The following KANSL3 variants were observed in gnomAD, a reference collection of about 807,000 sequenced individuals.
KANSL3 encodes the protein NSL complex protein NSL3.
KANSL3 carries 16 observed loss-of-function variants against 89.2 expected under a neutral mutation model. The observed-to-expected ratio is 0.18, with a 90% CI of 0.12 to 0.27. The LOEUF (loss-of-function observed/expected upper bound fraction) is 0.27, where lower values mean the gene tolerates loss of function less well. Ranked by LOEUF, KANSL3 falls within the 10% of genes least tolerant of loss-of-function variation. KANSL3 has a pLI of 1.00. For missense variants in KANSL3, 879 were observed against 1,110.6 expected (o/e 0.79, Z 2.96); for synonymous variants, 385 against 419.7 (o/e 0.92, Z 1.01).
chr2:96,611,883 T>C (rs1022847892), intron 9 of KANSL3, among the ~76,000 whole-genome samples: 39 of 109,442 alleles, frequency 3.6e-4, no homozygotes, highest in African/African-American at 1.3e-3. Flanking sequence ...TTTTTTTTTT[T>C]TCCACAGATA....
At chr2:96,585,382 C>T in the KANSL3 span, among the ~76,000 whole-genome samples, 1 of 152,280 alleles carries the variant, frequency 6.6e-6, no homozygotes, top group South Asian at 2.1e-4. Flanking sequence ...AAATGCTCAA[C>T]ACCACTAATT....
At chr2:96,614,145 G>A (rs1267334799) in intron 5 of KANSL3, among the ~76,000 whole-genome samples, 3 of 152,204 alleles carry the variant, frequency 2.0e-5, no homozygotes, top group Non-Finnish European at 4.4e-5. Context: ...AGGCTAGAGT[G>A]CAGTGGCCTG....
chr2:96,637,784 G>GC (rs1037940900), intron 1 of KANSL3, among the ~76,000 whole-genome samples: 17 of 151,992 alleles, frequency 1.1e-4, no homozygotes, highest in East Asian at 3.9e-4. Context: ...AATGAAAACT[G>GC]CCCCCCCAAC....
rs1238516693 is a variant in KANSL3, at chr2:96,631,404, G to A, written c.294C>T (p.Ser98=). 8 of 1,606,394 alleles carry A rather than the reference G, an allele frequency of 5.0e-6. No individual in the cohort carries two copies. The highest frequency in any genetic ancestry group is 1.1e-5 in the South Asian group (1 of 89,486). The part of the protein sequence containing the change: ...MPLYDNQKAR[S]VMNECERHVI... ...CATGCCGTTCACACTCATTCATCACGCTGCGTGCCTTCTGATTGTCATAGA... is the reference window on the plus strand; with the variant it reads ...CATGCCGTTCACACTCATTCATCACACTGCGTGCCTTCTGATTGTCATAGA... Residue 98 remains serine (S), a synonymous_variant, in exon 3 of 21, where the codon AGC becomes AGT. Transcript: ENST00000431828.
intron 3 of KANSL3, among the ~76,000 whole-genome samples, chr2:96,631,032 G>T (rs953682302): frequency 6.6e-6 from 1 of 152,176 alleles, no homozygotes; most frequent in African/African-American, 2.4e-5. Context: ...CTAGTCATAT[G>T]TATCAAATTT....
intron 2 of KANSL3, among the ~76,000 whole-genome samples, chr2:96,633,568 C>CA (rs749429125): frequency 0.011 from 1,031 of 96,398 alleles, 4 homozygotes; most frequent in African/African-American, 0.029. Flanking sequence ...GACTCTGTCT[C>CA]AAAAAAAAAA....
intron 3 of KANSL3, among the ~76,000 whole-genome samples, chr2:96,624,316 G>A (rs2071884040): frequency 6.6e-6 from 1 of 152,136 alleles, no homozygotes; most frequent in Non-Finnish European, 1.5e-5. Context: ...AGGAGACAGA[G>A]GATGCTTACA....
chr2:96,635,204 T>A (rs912670042), intron 2 of KANSL3, among the ~76,000 whole-genome samples: 20 of 152,214 alleles, frequency 1.3e-4, no homozygotes, highest in Admixed American at 7.2e-4. Context: ...ATCTCTAGTT[T>A]AAGATCCTTC....
intron 3 of KANSL3, among the ~76,000 whole-genome samples, chr2:96,622,472 G>A (rs2071496610): frequency 6.6e-6 from 1 of 151,830 alleles, no homozygotes; most frequent in Non-Finnish European, 1.5e-5. Flanking sequence ...CCTATCAAAT[G>A]GGTAAAAATT....
chr2:96,633,171 T>C (rs975579136), intron 2 of KANSL3, among the ~76,000 whole-genome samples: 1 of 149,556 alleles, frequency 6.7e-6, no homozygotes, highest in African/African-American at 2.5e-5. Context: ...AGGTGGGAGA[T>C]CAACTGAGCC....
At position 96,593,183 on chromosome 2, in the gene KANSL3, G is replaced by A. The variant is rs1254534421; in HGVS notation, c.*2428C>T. On this transcript the variant is annotated 3_prime_UTR_variant, in exon 21 of 21. Transcript: ENST00000431828. ...AAGCAATCCAAATGTTGTTTTTGGTGTTTTTAATTGTTTTTGTTAATGTAA... is the reference window on the plus strand; with the variant it reads ...AAGCAATCCAAATGTTGTTTTTGGTATTTTTAATTGTTTTTGTTAATGTAA... The A allele has an allele frequency of 4.5e-6, 2 of 444,740 alleles. No individual in the cohort carries two copies. The highest frequency in any genetic ancestry group is 4.0e-5 in the African/African-American group (2 of 49,468). 27.5% of individuals were successfully genotyped at this position (444,740 alleles called of 1,614,324 possible). A position where few individuals can be genotyped will look rare whatever the true frequency, so the allele number is the denominator to read the frequency against.
chr2:96,627,685 G>C (rs1009843171), intron 3 of KANSL3, among the ~76,000 whole-genome samples: 3 of 152,182 alleles, frequency 2.0e-5, no homozygotes, highest in Non-Finnish European at 4.4e-5. Flanking sequence ...CGTTCATGGA[G>C]CTCTTGATGT....
chr2:96,587,272 C>T, the KANSL3 span, among the ~76,000 whole-genome samples: 3 of 152,182 alleles, frequency 2.0e-5, no homozygotes, highest in Admixed American at 6.5e-5. Context: ...CAACCCTGTC[C>T]CAGCTTAGGT....
Position 96,613,611 on chromosome 2 carries a change from G to A in KANSL3, c.672C>T (p.Thr224=). The part of the protein sequence containing the change: ...ALQTLKGKIP[T]LIDRMLVSSN... ...ATGACACAAGCATCCGGTCAATCAA[G>A]GTTGGGATCTACAAAGAAGAAAGAG... Residue 224 remains threonine (T), a synonymous_variant, in exon 6 of 21, where the codon ACC becomes ACT. Transcript: ENST00000431828. 6.2e-7 allele frequency: 1 copy of A among 1,612,502 alleles called. No homozygotes were observed. The highest frequency in any genetic ancestry group is 8.5e-7 in the Non-Finnish European group (1 of 1,179,138).
At chr2:96,602,923 G>A in intron 17 of KANSL3, 61 bp from the exon 18 acceptor site, 1 of 1,490,712 alleles carries the variant, frequency 6.7e-7, no homozygotes, top group Non-Finnish European at 9.3e-7. Context: ...CCCGAGAGCA[G>A]CCACATCCAT....
intron 12 of KANSL3, 50 bp downstream of exon 12, chr2:96,609,449 C>T: frequency 6.4e-7 from 1 of 1,554,728 alleles, no homozygotes; most frequent in Non-Finnish European, 8.9e-7. Flanking sequence ...ACCTAAAAGG[C>T]TACAGAAAGG....
In KANSL3 at chr2:96,594,292, C is replaced by A. The variant is rs1317120919; in HGVS notation, c.*1319G>T. 2.0e-5 allele frequency: 3 copies of A among 152,218 alleles called. No homozygotes were observed. Among genetic ancestry groups the A allele is most frequent in the Admixed American group, 6.5e-5 (1 of 15,280 alleles). 9.4% of individuals were successfully genotyped at this position (152,218 alleles called of 1,614,324 possible). On this transcript the variant is annotated 3_prime_UTR_variant, in exon 21 of 21. Transcript: ENST00000431828. The stretch of plus-strand genomic sequence containing the variant: ...ACACTTGGGTTGCCTAATTTATTAC[C>A]TTAACTAGAAACATTCTAAGTATGG...
chr2:96,621,583 G>A (rs899351101), intron 3 of KANSL3, among the ~76,000 whole-genome samples: 1 of 151,754 alleles, frequency 6.6e-6, no homozygotes, highest in Non-Finnish European at 1.5e-5. Context: ...AGATACTTGG[G>A]AGGCTGAGGC....
chr2:96,601,026 C>T (rs1157643646), intron 20 of KANSL3: 1 of 401,678 alleles, frequency 2.5e-6, no homozygotes, highest in Non-Finnish European at 3.4e-6. Flanking sequence ...GTGGCTCACA[C>T]CTGTAATCCC....
Sources: allele counts gnomAD v4.1 joint callset (sites outside exome capture counted in the v4.1 genomes callset), GRCh38; gene constraint gnomAD v4.1.1; transcripts MANE v1.5; gene names NCBI Gene and HGNC (gene_info 2026-07-23, HGNC 2026-07-21).